Variants in MYO6 observed in about 807,000 individuals in gnomAD.
MYO6 encodes unconventional myosin-VI.
In MYO6, 74 loss-of-function variants were observed where a neutral mutation model predicts 178.7. That is an observed-to-expected ratio of 0.41 (90% CI 0.34 to 0.50). The LOEUF is 0.50. Ranked by LOEUF, MYO6 falls within the 20% of genes least tolerant of loss-of-function variation. The pLI is 0.09. For synonymous variants in MYO6, 477 were observed against 504.6 expected (o/e 0.95, Z 0.73); for missense variants, 1,330 against 1,547.4 (o/e 0.86, Z 2.36).
chr6:75,818,786 C>T (rs2150171539), intron 2 of MYO6, among the ~76,000 whole-genome samples: 1 of 152,152 alleles, frequency 6.6e-6, no homozygotes, highest in East Asian at 1.9e-4. Context: ...TAAAGATACC[C>T]TCAGGACAGG....
intron 2 of MYO6, among the ~76,000 whole-genome samples, chr6:75,820,779 C>G (rs1030607526): frequency 1.3e-5 from 2 of 152,152 alleles, no homozygotes; most frequent in South Asian, 2.1e-4. Flanking sequence ...CTCCCTCCCC[C>G]CCATTCAGTA....
At position 75,884,747 on chromosome 6, in the gene MYO6, G is replaced by GT. The variant is rs765881795; in HGVS notation, c.2417-1256dup. Among the ~76,000 whole-genome samples, 5 of 152,320 alleles carry GT rather than the reference G, an allele frequency of 3.3e-5. No individual in the cohort carries two copies. The East Asian group carries it at 7.7e-4, about 23-fold the overall frequency. On this transcript the variant is annotated intron_variant, in intron 23 of 34. Coordinates refer to ENST00000369977, the MANE Select transcript of MYO6 (RefSeq NM_004999.4). ...TTTTCTTGCTTGCTTCTGTTCCTGTGTGGGAGCACAGAACTGGCTGGGCCG... is the reference window on the plus strand; with the variant it reads ...TTTTCTTGCTTGCTTCTGTTCCTGTGTTGGGAGCACAGAACTGGCTGGGCCG...
At chr6:75,756,745 T>C (rs1005204653) in intron 1 of MYO6, among the ~76,000 whole-genome samples, 1 of 152,246 alleles carries the variant, frequency 6.6e-6, no homozygotes, top group South Asian at 2.1e-4. Flanking sequence ...GCTGGTGTTA[T>C]GACCTTCATT....
chr6:75,860,135 TTA>T (rs1343997302), intron 14 of MYO6, among the ~76,000 whole-genome samples: 2 of 152,216 alleles, frequency 1.3e-5, no homozygotes, highest in East Asian at 3.8e-4. Context: ...TGCTTCTACT[TTA>T]TCTGGGCTGA....
intron 11 of MYO6, among the ~76,000 whole-genome samples, chr6:75,851,687 C>G (rs1775282937): frequency 6.6e-6 from 1 of 151,494 alleles, no homozygotes; most frequent in African/African-American, 2.4e-5. Flanking sequence ...CACACACACA[C>G]AAAATAAATT....
At chr6:75,792,809 G>T (rs1768378080) in intron 1 of MYO6, among the ~76,000 whole-genome samples, 2 of 152,018 alleles carry the variant, frequency 1.3e-5, no homozygotes, top group African/African-American at 4.8e-5. Context: ...TTAGAGACAG[G>T]ATCTCGCTCT....
At chr6:75,762,217 G>A (rs1243047582) in intron 1 of MYO6, among the ~76,000 whole-genome samples, 1 of 152,228 alleles carries the variant, frequency 6.6e-6, no homozygotes, top group Non-Finnish European at 1.5e-5. Context: ...TTACAGGCAT[G>A]AGCCACTGTG....
intron 1 of MYO6, among the ~76,000 whole-genome samples, chr6:75,793,858 A>G (rs1003214235): frequency 3.9e-5 from 6 of 152,328 alleles, no homozygotes; most frequent in Non-Finnish European, 2.9e-5. Context: ...TCCCTACCAA[A>G]AAGTTAGATG....
chr6:75,908,882 G>C (rs980219769), intron 32 of MYO6, among the ~76,000 whole-genome samples: 45 of 152,150 alleles, frequency 3.0e-4, no homozygotes, highest in African/African-American at 1.0e-3. Flanking sequence ...TGAAGAGGGT[G>C]TGCATGCATA....
rs1781149150 is a variant in MYO6, at chr6:75,916,853, A to G, written c.*1841A>G. The G allele has an allele frequency of 6.6e-6, 1 of 152,244 alleles. No individual in the cohort carries two copies. The highest frequency in any genetic ancestry group is 2.4e-5 in the African/African-American group (1 of 41,468). The allele number at this position is 152,244 out of a possible 1,614,324, so 9.4% of individuals were successfully genotyped here. A position where few individuals can be genotyped will look rare whatever the true frequency, so the allele number is the denominator to read the frequency against. ...ATCTAATGTTTCAGAAATTTGTAAG[A>G]AATGTATCACAGCAAAGGGTTGTTA... On this transcript the variant is annotated 3_prime_UTR_variant, in exon 35 of 35. Transcript: ENST00000369977.
At position 75,866,591 on chromosome 6, in the gene MYO6, G is replaced by C. The variant is rs1562264086; in HGVS notation, c.1740G>C (p.Arg580Ser). Residue 580 changes from arginine (R) to serine (S), a missense_variant, in exon 17 of 35, where the codon AGG becomes AGC. Transcript: ENST00000369977. The stretch of plus-strand genomic sequence containing the variant: ...GAGACGACGAAGGCTTCATTATCAG[G>C]CATTTTGCGGGGGCAGTGTGCTATG... ...NIRDDEGFII[R>S]HFAGAVCYET... is the part of the protein sequence containing the mutation. The C allele has an allele frequency of 8.1e-6, 13 of 1,613,980 alleles. No individual in the cohort carries two copies. Among genetic ancestry groups the C allele is most frequent in the Non-Finnish European group, 1.0e-5 (12 of 1,179,896 alleles).
At chr6:75,814,497 G>T (rs1387246735) in intron 1 of MYO6, among the ~76,000 whole-genome samples, 1 of 152,104 alleles carries the variant, frequency 6.6e-6, no homozygotes, top group Admixed American at 6.5e-5. Context: ...AAGCCATCTT[G>T]CTCTGTCTCC....
intron 19 of MYO6, among the ~76,000 whole-genome samples, chr6:75,872,181 A>AGGGAG (rs1777212694): frequency 1.3e-5 from 2 of 152,150 alleles, no homozygotes; most frequent in Admixed American, 1.3e-4. Flanking sequence ...AAGTGTTTGT[A>AGGGAG]GGGAGCTTCA....
intron 1 of MYO6, among the ~76,000 whole-genome samples, chr6:75,773,678 AT>A (rs1766106424): frequency 6.6e-6 from 1 of 152,166 alleles, no homozygotes; most frequent in Non-Finnish European, 1.5e-5. Context: ...CTTTTATCAT[AT>A]GGTTATGCTT....
chr6:75,766,577 G>C (rs1420077606), intron 1 of MYO6, among the ~76,000 whole-genome samples: 1 of 152,148 alleles, frequency 6.6e-6, no homozygotes, highest in East Asian at 1.9e-4. Flanking sequence ...ACATCTACAT[G>C]TAGAATAATC....
intron 32 of MYO6, among the ~76,000 whole-genome samples, chr6:75,910,930 T>A (rs1404307662): frequency 6.6e-6 from 1 of 152,076 alleles, no homozygotes; most frequent in Non-Finnish European, 1.5e-5. Flanking sequence ...CAACTTATGA[T>A]TAACAAAAAT....
At chr6:75,833,595 C>T (rs892500928) in intron 6 of MYO6, among the ~76,000 whole-genome samples, 4 of 152,168 alleles carry the variant, frequency 2.6e-5, no homozygotes, top group African/African-American at 9.7e-5. Context: ...TTTTATTTAA[C>T]TCAACTTAAG....
chr6:75,867,137 T>C (rs1776767263), intron 18 of MYO6, 32 bp downstream of exon 18: 1 of 1,487,162 alleles, frequency 6.7e-7, no homozygotes, highest in Admixed American at 1.9e-5. Flanking sequence ...TTTTTTACTA[T>C]ATTTAAAATG....
chr6:75,792,918 G>A (rs1473298778), intron 1 of MYO6, among the ~76,000 whole-genome samples: 1 of 151,732 alleles, frequency 6.6e-6, no homozygotes, highest in African/African-American at 2.4e-5. Context: ...CAAATGGTTG[G>A]GATTACAGGT....
Sources: allele counts gnomAD v4.1 joint callset (sites outside exome capture counted in the v4.1 genomes callset), GRCh38; gene constraint gnomAD v4.1.1; transcripts MANE v1.5; gene names NCBI Gene and HGNC (gene_info 2026-07-23, HGNC 2026-07-21).